LCP1: variants seen among roughly 807,000 people sequenced by gnomAD.
LCP1 encodes plastin-2.
LCP1 carries 23 observed loss-of-function variants against 72.0 expected under a neutral mutation model. The observed-to-expected ratio is 0.32, with a 90% confidence interval of 0.23 to 0.45. LCP1 has a LOEUF of 0.45. Ranked by LOEUF, LCP1 falls within the 20% of genes least tolerant of loss-of-function variation. The pLI, the probability that LCP1 is intolerant of heterozygous loss-of-function variation, is 1.00. For synonymous variants in LCP1, 245 were observed against 275.4 expected, an observed-to-expected ratio of 0.89 and a Z score of 1.09; for missense variants, 571 against 748.3, an observed-to-expected ratio of 0.76 and a Z score of 2.76.
chr13:46,160,490 A>G (rs1291473824), intron 1 of LCP1, among the ~76,000 whole-genome samples: 4 of 152,224 alleles, frequency 2.6e-5, no homozygotes, highest in African/African-American at 4.8e-5. Context: ...TATAACTTCA[A>G]AGGAAGTTAA....
intron 1 of LCP1, among the ~76,000 whole-genome samples, chr13:46,175,602 A>G (rs529094149): frequency 1.3e-5 from 2 of 152,186 alleles, no homozygotes; most frequent in African/African-American, 2.4e-5. Flanking sequence ...AACTGTGTGA[A>G]CATCACCAGG....
intron 8 of LCP1, chr13:46,148,759 T>C (rs1213491917): frequency 1.2e-6 from 1 of 812,200 alleles, no homozygotes; most frequent in East Asian, 9.1e-5. Context: ...AATTAAATTG[T>C]ATACAGGAAA....
chr13:46,163,645 A>C (rs936798722), intron 1 of LCP1, among the ~76,000 whole-genome samples: 11 of 152,064 alleles, frequency 7.2e-5, no homozygotes, highest in Middle Eastern at 3.4e-3. Flanking sequence ...AAAAAAAAAA[A>C]AAAAAAACAA....
At chr13:46,130,486 C>T (rs1292944219) in intron 15 of LCP1, among the ~76,000 whole-genome samples, 1 of 152,104 alleles carries the variant, frequency 6.6e-6, no homozygotes, top group Non-Finnish European at 1.5e-5. Context: ...CCTGTGCATT[C>T]TTATCCATGA....
chr13:46,126,104 G>T lies in LCP1; in HGVS notation c.*1487C>A, dbSNP rs2045596527. 1 of 216,402 alleles carries T rather than the reference G, an allele frequency of 4.6e-6. No homozygotes were observed. Among genetic ancestry groups the T allele is most frequent in the Non-Finnish European group, 9.3e-6 (1 of 107,172 alleles). 13.4% of individuals were successfully genotyped at this position (216,402 alleles called of 1,614,324 possible). A position where few individuals can be genotyped will look rare whatever the true frequency, so the allele number is the denominator to read the frequency against. ...GAAGCAGCAAAAATACTGGTTATGGGCTGGGAGGAGCCACATGTTGGCTTT... is the reference window on the plus strand; with the variant it reads ...GAAGCAGCAAAAATACTGGTTATGGTCTGGGAGGAGCCACATGTTGGCTTT... On this transcript the variant is annotated 3_prime_UTR_variant, in exon 16 of 16. Transcript: ENST00000323076.
chr13:46,165,942 T>C (rs2045873984), intron 1 of LCP1, among the ~76,000 whole-genome samples: 1 of 152,060 alleles, frequency 6.6e-6, no homozygotes, highest in Non-Finnish European at 1.5e-5. Flanking sequence ...TAAAAAATTA[T>C]ATTATTTTTA....
intron 1 of LCP1, among the ~76,000 whole-genome samples, chr13:46,163,280 G>T (rs1214034051): frequency 1.3e-5 from 2 of 152,238 alleles, no homozygotes; most frequent in Non-Finnish European, 2.9e-5. Context: ...GCTCCATTTT[G>T]TTCTGTATTA....
chr13:46,144,544 C>G, intron 10 of LCP1, 24 bp from the exon 11 acceptor site: 1 of 1,559,786 alleles, frequency 6.4e-7, no homozygotes, highest in East Asian at 2.2e-5. Flanking sequence ...GATGGGTTAT[C>G]TTTTGGGACC....
chr13:46,143,430 T>C (rs369467016), intron 11 of LCP1, 26 bp from the exon 12 acceptor site: 2 of 1,475,544 alleles, frequency 1.4e-6, no homozygotes, highest in African/African-American at 2.8e-5. Flanking sequence ...ACAAAAGGAT[T>C]CTCAGATATC....
rs564018994 is a variant in LCP1 at position 46,127,082 on chromosome 13, G to A, written c.*509C>T. 3.9e-5 allele frequency: 9 copies of A among 231,508 alleles called. No individual in the cohort carries two copies. The highest frequency in any genetic ancestry group is 6.0e-5 in the Non-Finnish European group (7 of 117,152). 14.3% of individuals were successfully genotyped at this position (231,508 alleles called of 1,614,324 possible). On this transcript the variant is annotated 3_prime_UTR_variant, in exon 16 of 16. Transcript: ENST00000323076. ...CCCCGGAAGGCATGGTTCCAAAAGT[G>A]TGAGGAGCAAAGTCAAGGGAGGCAG...
chr13:46,152,717 A>G (rs1432333616), intron 7 of LCP1, 63 bp downstream of exon 7: 1 of 1,519,242 alleles, frequency 6.6e-7, no homozygotes, highest in Non-Finnish European at 8.9e-7. Flanking sequence ...TTCCTCCTAC[A>G]GTCCCCAACG....
intron 1 of LCP1, among the ~76,000 whole-genome samples, chr13:46,181,662 G>T (rs1458469703): frequency 1.3e-5 from 2 of 152,012 alleles, no homozygotes; most frequent in Admixed American, 6.5e-5. Flanking sequence ...AAGTTTTTTA[G>T]AAAAACAGAA....
intron 1 of LCP1, among the ~76,000 whole-genome samples, chr13:46,165,485 A>T (rs2045871330): frequency 1.3e-5 from 2 of 152,342 alleles, no homozygotes; most frequent in Middle Eastern, 3.4e-3. Context: ...TTAGTTGGTG[A>T]TGGCTTTAGT....
rs2045602761 is a variant in LCP1 at position 46,127,018 on chromosome 13, A to G, written c.*573T>C. On this transcript the variant is annotated 3_prime_UTR_variant, in exon 16 of 16. Transcript: ENST00000323076. ...CTTGACTGATTTATCACACACTCCA[A>G]GTGGCCCAGAGACAAGGACGGCCAG... The G allele has an allele frequency of 1.3e-5, 3 of 231,354 alleles. No individual in the cohort carries two copies. In the East Asian group the frequency reaches 1.8e-4, roughly 14 times the overall value. 14.3% of individuals were successfully genotyped at this position (231,354 alleles called of 1,614,324 possible).
At chr13:46,131,739 T>C (rs1269128175) in intron 14 of LCP1, among the ~76,000 whole-genome samples, 1 of 152,136 alleles carries the variant, frequency 6.6e-6, no homozygotes, top group African/African-American at 2.4e-5. Flanking sequence ...TTATCCTAAG[T>C]GAATTAATAC....
At chr13:46,135,743 CTTTTT>C in intron 13 of LCP1, among the ~76,000 whole-genome samples, 1 of 130,602 alleles carries the variant, frequency 7.7e-6, no homozygotes, top group Non-Finnish European at 1.6e-5. Context: ...TCTGGTCTGT[CTTTTT>C]TTTTTTTTTT....
In LCP1 at chr13:46,158,835, C is replaced by G; in HGVS notation, c.219G>C (p.Glu73Asp). ...TCTGCATGGTACTCACCTTGATAAA[C>G]TCATCAAAGCTGATCCTTCCATCTT... is the stretch of plus-strand genomic sequence containing the variant. ...LDQDGRISFD[E>D]FIKIFHGLKS... is the part of the protein sequence containing the mutation. Residue 73 changes from glutamate to aspartate, a missense_variant, in exon 3 of 16, where the codon GAG becomes GAC. Glu to Asp is a conservative substitution (Grantham distance 45, BLOSUM62 2). Transcript: ENST00000323076. The G allele has an allele frequency of 6.2e-7, 1 of 1,614,096 alleles. No individual in the cohort carries two copies. Among genetic ancestry groups the G allele is most frequent in the Non-Finnish European group, 8.5e-7 (1 of 1,179,996 alleles).
chr13:46,160,983 A>G (rs1196616231), intron 1 of LCP1, among the ~76,000 whole-genome samples: 2 of 152,198 alleles, frequency 1.3e-5, no homozygotes, highest in Non-Finnish European at 2.9e-5. Context: ...CAACCACACC[A>G]AACAGAAAAC....
chr13:46,134,706 T>C (rs1490911738), intron 13 of LCP1, among the ~76,000 whole-genome samples: 1 of 152,288 alleles, frequency 6.6e-6, no homozygotes, highest in East Asian at 1.9e-4. Context: ...ACAAAGATAA[T>C]CTTTAGTCTG....
Sources: allele counts gnomAD v4.1 joint callset (sites outside exome capture counted in the v4.1 genomes callset), GRCh38; gene constraint gnomAD v4.1.1; transcripts MANE v1.5; gene names NCBI Gene and HGNC (gene_info 2026-07-23, HGNC 2026-07-21).